BCAT1: variants seen among roughly 807,000 people sequenced by gnomAD.
BCAT1 encodes the protein branched-chain-amino-acid aminotransferase, cytosolic.
BCAT1 carries 48 observed loss-of-function variants against 52.4 expected under a neutral mutation model. The observed-to-expected ratio is 0.92, with a 90% CI of 0.73 to 1.16. BCAT1 has a LOEUF of 1.16. Among genes scored for constraint, BCAT1 ranks in the 50% most tolerant of loss-of-function variants. The pLI is 0.00. For synonymous variants in BCAT1, 167 were observed against 161.3 expected, an observed-to-expected ratio of 1.04 and a Z score of -0.27; for missense variants, 451 against 457.1, an observed-to-expected ratio of 0.99 and a Z score of 0.12.
At chr12:24,949,115 C>A, upstream of BCAT1, 1 of 597,862 alleles carries the variant, frequency 1.7e-6, no homozygotes, top group South Asian at 2.1e-5. Context: ...CCGGCCCTCT[C>A]GCGGCGGAGA....
In BCAT1 at chr12:24,901,817, A is replaced by G; in HGVS notation, c.75T>C (p.Phe25=). The part of the protein sequence containing the change: ...EGGSKEVVGT[F]KAKDLIVTPA... Reference sequence around the variant, plus strand: ...AAGCCTCTGGCAAGCAACTTACCTTAAAAGTCCCCACCACCTCTTTTGATC... The same window carrying G: ...AAGCCTCTGGCAAGCAACTTACCTTGAAAGTCCCCACCACCTCTTTTGATC... The change falls in exon 2 of 11, where the codon TTT becomes TTC. Residue 25 remains phenylalanine, a synonymous_variant. Transcript: ENST00000261192. 6.2e-7 allele frequency: 1 copy of G among 1,613,846 alleles called. No homozygotes were observed.
intron 10 of BCAT1, among the ~76,000 whole-genome samples, chr12:24,823,034 CTTT>C (rs5797104): frequency 1.5e-4 from 21 of 141,522 alleles, no homozygotes; most frequent in Admixed American, 7.7e-4. Context: ...TTTGTTTTGA[CTTT>C]TTTTTTTTTT....
intron 9 of BCAT1, among the ~76,000 whole-genome samples, chr12:24,831,556 A>G (rs7308285): frequency 0.86 from 131,600 of 152,210 alleles, 56,919 homozygotes; most frequent in Admixed American, 0.89. Flanking sequence ...GACTGAGGTG[A>G]GAGGATCGCT....
At chr12:24,904,580 A>C (rs1943195625) in intron 1 of BCAT1, 1 of 152,254 alleles carries the variant, frequency 6.6e-6, no homozygotes, top group African/African-American at 2.4e-5. Context: ...AAGGTCTCTA[A>C]TAGCCTTCAT....
chr12:24,821,560 A>G (rs1189624793), intron 10 of BCAT1, among the ~76,000 whole-genome samples: 1 of 152,052 alleles, frequency 6.6e-6, no homozygotes, highest in African/African-American at 2.4e-5. Flanking sequence ...CCTTCCTCCC[A>G]TCTCTTCTCG....
chr12:24,937,478 T>C (rs1436959286), intron 1 of BCAT1, among the ~76,000 whole-genome samples: 1 of 152,040 alleles, frequency 6.6e-6, no homozygotes, highest in East Asian at 1.9e-4. Context: ...AGAGGTTTTT[T>C]GCTTAATAAA....
intron 1 of BCAT1, among the ~76,000 whole-genome samples, chr12:24,912,323 T>G (rs865834525): frequency 6.6e-4 from 101 of 151,918 alleles, no homozygotes; most frequent in South Asian, 1.2e-3. Flanking sequence ...GACCATCCTG[T>G]CTAACACGGT....
intron 1 of BCAT1, among the ~76,000 whole-genome samples, chr12:24,934,527 G>A (rs1263133110): frequency 6.6e-6 from 1 of 152,108 alleles, no homozygotes; most frequent in African/African-American, 2.4e-5. Context: ...TTATCCTGAG[G>A]CAAGAGAAAA....
At chr12:24,921,864 T>C (rs1943503738) in intron 1 of BCAT1, among the ~76,000 whole-genome samples, 1 of 152,188 alleles carries the variant, frequency 6.6e-6, no homozygotes. Flanking sequence ...GTAGTACACA[T>C]TGGCTCTATA....
chr12:24,885,173 A>C (rs1201221424), intron 3 of BCAT1, among the ~76,000 whole-genome samples: 1 of 152,208 alleles, frequency 6.6e-6, no homozygotes, highest in Non-Finnish European at 1.5e-5. Context: ...GATTACAGAG[A>C]TAGAGAACAC....
intron 5 of BCAT1, among the ~76,000 whole-genome samples, chr12:24,865,412 T>C (rs1941976865): frequency 6.6e-6 from 1 of 152,258 alleles, no homozygotes; most frequent in African/African-American, 2.4e-5. Flanking sequence ...CTGCAGTAAG[T>C]ATCCTTGAAT....
chr12:24,823,120 A>G (rs1233472133), intron 10 of BCAT1, among the ~76,000 whole-genome samples: 2 of 148,738 alleles, frequency 1.3e-5, no homozygotes, highest in African/African-American at 2.5e-5. Context: ...CAGTGGTGCT[A>G]TCATGGCTGA....
chr12:24,843,275 G>A (rs1451954239), intron 6 of BCAT1, among the ~76,000 whole-genome samples: 1 of 151,936 alleles, frequency 6.6e-6, no homozygotes, highest in African/African-American at 2.4e-5. Flanking sequence ...TTTACATCTG[G>A]GTAAAATTAC....
At chr12:24,901,785 A>G (rs1943109487) in intron 2 of BCAT1, 29 bp downstream of exon 2, 3 of 1,603,692 alleles carry the variant, frequency 1.9e-6, no homozygotes, top group African/African-American at 2.7e-5. Context: ...ACGTTGCTTT[A>G]GACACTAAGC....
At chr12:24,859,599 G>A (rs1161724465) in intron 5 of BCAT1, among the ~76,000 whole-genome samples, 2 of 134,942 alleles carry the variant, frequency 1.5e-5, no homozygotes, top group Non-Finnish European at 3.1e-5. Flanking sequence ...CCAGCTGGGC[G>A]ACAGAGCCAG....
intron 10 of BCAT1, among the ~76,000 whole-genome samples, chr12:24,827,990 G>C (rs1305552621): frequency 6.6e-6 from 1 of 151,848 alleles, no homozygotes. Flanking sequence ...GGCCTCAAGC[G>C]ATCCTCCTGT....
At position 24,925,419 on chromosome 12, in the gene BCAT1, C is replaced by T. The variant is rs572246051; in HGVS notation, c.6+23508G>A. Among the ~76,000 whole-genome samples, 12 of 152,098 alleles carry T rather than the reference C, an allele frequency of 7.9e-5. No individual in the cohort carries two copies. The South Asian group carries it at 2.5e-3, about 32-fold the overall frequency. ...TTCCTTAAAATAAATCTCTCTCTCT[C>T]GATCTCTTGATAGATAGATAGAAAG... On this transcript the variant is annotated intron_variant, in intron 1 of 10. Transcript: ENST00000261192.
At chr12:24,887,111 A>ATATATATATATATATAT (rs1942702628) in intron 3 of BCAT1, among the ~76,000 whole-genome samples, 11 of 127,200 alleles carry the variant, frequency 8.6e-5, no homozygotes, top group Non-Finnish European at 1.3e-4. Flanking sequence ...ATATATATAT[A>ATATATATATATATATAT]AAGCTGATAA....
At chr12:24,883,413 C>T (rs1168083062) in intron 3 of BCAT1, among the ~76,000 whole-genome samples, 1 of 152,064 alleles carries the variant, frequency 6.6e-6, no homozygotes, top group Non-Finnish European at 1.5e-5. Context: ...TAAATTAGTA[C>T]AGTCATTACT....
Sources: allele counts gnomAD v4.1 joint callset (sites outside exome capture counted in the v4.1 genomes callset), GRCh38; gene constraint gnomAD v4.1.1; transcripts MANE v1.5; gene names NCBI Gene and HGNC (gene_info 2026-07-23, HGNC 2026-07-21).